PRIMA1: variants seen among roughly 807,000 people sequenced by gnomAD.
PRIMA1 encodes proline rich membrane anchor 1.
Under a neutral mutation model 17.5 loss-of-function variants are expected in PRIMA1, and 7 were observed. The observed-to-expected ratio is 0.40, with a 90% CI of 0.23 to 0.75. PRIMA1 has a LOEUF of 0.75. Ranked by LOEUF, PRIMA1 falls within the 30% of genes least tolerant of loss-of-function variation. The pLI is 0.37. For synonymous variants in PRIMA1, 97 were observed against 77.9 expected (o/e 1.25, Z -1.29); for missense variants, 200 against 201.8 (o/e 0.99, Z 0.05).
Position 93,749,821 on chromosome 14 carries a change from T to C in PRIMA1, c.230-12451A>G, listed in dbSNP as rs147811584. 8.1e-4 allele frequency among the ~76,000 whole-genome samples: 124 copies of C among 152,238 alleles called. 3 individuals carry two copies. In the South Asian group the frequency reaches 0.022, roughly 28 times the overall value. ...ACTTTGGGAGGCCAAGGCAGGAGGA[T>C]AGCTTGAGCCCAGGAGTCTGTGACC... On this transcript the variant is annotated intron_variant, in intron 3 of 4. Coordinates refer to ENST00000393140, the MANE Select transcript of PRIMA1 (RefSeq NM_178013.4).
chr14:93,764,768 G>T (rs1431922662), intron 3 of PRIMA1, among the ~76,000 whole-genome samples: 1 of 152,202 alleles, frequency 6.6e-6, no homozygotes, highest in African/African-American at 2.4e-5. Context: ...GGCATCCAGT[G>T]TGAGCAGGTG....
intron 3 of PRIMA1, among the ~76,000 whole-genome samples, chr14:93,751,570 G>A (rs747578665): frequency 9.9e-5 from 15 of 152,168 alleles, no homozygotes; most frequent in Non-Finnish European, 1.2e-4. Context: ...AGATGCATGT[G>A]AACTTTCCAC....
At chr14:93,770,826 T>A (rs1047729082) in intron 3 of PRIMA1, among the ~76,000 whole-genome samples, 2 of 152,128 alleles carry the variant, frequency 1.3e-5, no homozygotes, top group Non-Finnish European at 2.9e-5. Context: ...GTGCCTGGCA[T>A]ATAGTAGATA....
At position 93,720,744 on chromosome 14, in the gene PRIMA1, G is replaced by C. The variant is rs919002712; in HGVS notation, c.*700C>G. On this transcript the variant is annotated 3_prime_UTR_variant, in exon 5 of 5. Transcript: ENST00000393140. ...GAGTCGTTTTGCCCCCGGAAGGCCA[G>C]ACACTGCCCCCGAGTGTAAACGCAC... is the stretch of plus-strand genomic sequence containing the variant. 6.6e-6 allele frequency: 1 copy of C among 152,624 alleles called. No homozygotes were observed. Among genetic ancestry groups the C allele is most frequent in the African/African-American group, 2.4e-5 (1 of 41,474 alleles). The allele number at this position is 152,624 out of a possible 1,614,324, so 9.5% of individuals were successfully genotyped here.
At chr14:93,773,346 G>C (rs532465851) in intron 3 of PRIMA1, among the ~76,000 whole-genome samples, 16 of 152,378 alleles carry the variant, frequency 1.1e-4, no homozygotes, top group Non-Finnish European at 1.5e-4. Flanking sequence ...CCCTTGCTGA[G>C]ATTGTCATTC....
In PRIMA1 at chr14:93,718,552, C is replaced by T. The variant is rs1463877048; in HGVS notation, c.*2892G>A. The T allele has an allele frequency of 6.6e-6, 1 of 152,604 alleles. No individual in the cohort carries two copies. Among genetic ancestry groups the T allele is most frequent in the Non-Finnish European group, 1.5e-5 (1 of 68,040 alleles). 9.5% of individuals were successfully genotyped at this position (152,604 alleles called of 1,614,324 possible). On this transcript the variant is annotated 3_prime_UTR_variant, in exon 5 of 5. Coordinates refer to ENST00000393140, the MANE Select transcript of PRIMA1 (RefSeq NM_178013.4). ...AAGAAGGCAGATTTCAGGATATTCA[C>T]ATTCATGCATTACGTATCTCACACT... is the stretch of plus-strand genomic sequence containing the variant.
intron 3 of PRIMA1, among the ~76,000 whole-genome samples, chr14:93,758,808 T>C (rs1051557955): frequency 2.0e-5 from 3 of 152,066 alleles, no homozygotes; most frequent in Admixed American, 6.6e-5. Flanking sequence ...CAATGGACTC[T>C]GTGGGGTGGG....
At chr14:93,722,675 A>ATGGGGTGAT (rs2076048235) in intron 4 of PRIMA1, among the ~76,000 whole-genome samples, 1 of 147,814 alleles carries the variant, frequency 6.8e-6, no homozygotes, top group African/African-American at 2.5e-5. Flanking sequence ...GGTAATGATG[A>ATGGGGTGAT]TGGGGTGATG....
At chr14:93,776,516 C>T (rs1312245991) in intron 3 of PRIMA1, among the ~76,000 whole-genome samples, 1 of 152,172 alleles carries the variant, frequency 6.6e-6, no homozygotes, top group African/African-American at 2.4e-5. Context: ...CCCCACCTGA[C>T]TCCAGTCTGC....
At chr14:93,752,165 C>T (rs140298333) in intron 3 of PRIMA1, among the ~76,000 whole-genome samples, 17 of 152,344 alleles carry the variant, frequency 1.1e-4, no homozygotes, top group African/African-American at 3.8e-4. Flanking sequence ...GTGCTACCTA[C>T]TTTCAAAGCA....
rs755207109 is a variant in PRIMA1, at chr14:93,787,753, T to A, written c.-31-4A>T. ...CGGCGCCCGCTCCTGGGGCGAACTG[T>A]CAGGAGAGCAAGGCTAGGGTCAGGC... On this transcript the variant is annotated splice_polypyrimidine_tract_variant and splice_region_variant and intron_variant, in intron 1 of 4. Transcript: ENST00000393140. The A allele has an allele frequency of 1.9e-6, 3 of 1,538,590 alleles. No homozygotes were observed. Among genetic ancestry groups the A allele is most frequent in the Non-Finnish European group, 2.6e-6 (3 of 1,145,454 alleles).
intron 3 of PRIMA1, among the ~76,000 whole-genome samples, chr14:93,738,074 C>T (rs1022798377): frequency 2.6e-5 from 4 of 152,182 alleles, no homozygotes; most frequent in South Asian, 2.1e-4. Flanking sequence ...GGATTCAGCC[C>T]GTGGGGTGGG....
intron 3 of PRIMA1, among the ~76,000 whole-genome samples, chr14:93,755,142 A>C (rs1278159289): frequency 6.6e-6 from 1 of 152,184 alleles, no homozygotes; most frequent in Non-Finnish European, 1.5e-5. Flanking sequence ...GAGGCCTAAG[A>C]GTTAGCTCAG....
chr14:93,787,830 G>C (rs1228569345), intron 1 of PRIMA1, 81 bp from the exon 2 acceptor site: 1 of 1,457,194 alleles, frequency 6.9e-7, no homozygotes, highest in Non-Finnish European at 9.1e-7. Flanking sequence ...CTCCCAGCCC[G>C]GGTCGGACGG....
intron 3 of PRIMA1, among the ~76,000 whole-genome samples, chr14:93,773,217 T>G (rs1885118207): frequency 1.3e-5 from 2 of 152,210 alleles, no homozygotes; most frequent in Non-Finnish European, 2.9e-5. Flanking sequence ...GGATAATTTC[T>G]AATCTTCATG....
At chr14:93,747,796 G>A (rs2076230280) in intron 3 of PRIMA1, among the ~76,000 whole-genome samples, 2 of 44,262 alleles carry the variant, frequency 4.5e-5, no homozygotes, top group Non-Finnish European at 1.3e-4. Context: ...ATGTGAGAGT[G>A]TAAGGGGACT....
chr14:93,772,946 T>G (rs1763092764), intron 3 of PRIMA1, among the ~76,000 whole-genome samples: 1 of 152,220 alleles, frequency 6.6e-6, no homozygotes, highest in African/African-American at 2.4e-5. Flanking sequence ...TATTGCGTGT[T>G]AACTGGGTTC....
At chr14:93,775,998 C>G (rs1286770258) in intron 3 of PRIMA1, among the ~76,000 whole-genome samples, 1 of 152,210 alleles carries the variant, frequency 6.6e-6, no homozygotes, top group Non-Finnish European at 1.5e-5. Flanking sequence ...CAAAAGTCAG[C>G]CTCAGGACTT....
chr14:93,730,810 A>G (rs1309688364), intron 4 of PRIMA1, among the ~76,000 whole-genome samples: 1 of 152,238 alleles, frequency 6.6e-6, no homozygotes, highest in African/African-American at 2.4e-5. Context: ...TCCAGGAAAG[A>G]TCTTGGGAAA....
Sources: gnomAD v4.1 joint callset for allele counts (sites outside exome capture counted in the v4.1 genomes callset) on GRCh38, gnomAD v4.1.1 for gene constraint, MANE v1.5 for transcripts, NCBI Gene and HGNC (gene_info 2026-07-23, HGNC 2026-07-21) for gene names.